The following MYO3B variants were observed in gnomAD, a reference collection of about 807,000 sequenced individuals.
MYO3B encodes the protein myosin-IIIb.
A neutral mutation model predicts 174.6 loss-of-function variants in MYO3B; 156 were observed. That is an observed-to-expected ratio of 0.89 (90% confidence interval 0.78 to 1.02). The LOEUF (loss-of-function observed/expected upper bound fraction) is 1.02, where lower values mean the gene tolerates loss of function less well. Ranked by LOEUF, MYO3B falls within the 50% of genes least tolerant of loss-of-function variation. The pLI, the probability that MYO3B is intolerant of heterozygous loss-of-function variation, is 0.00. For missense variants in MYO3B, 1,632 were observed against 1,639.4 expected, an observed-to-expected ratio of 1.00 and a Z score of 0.08; for synonymous variants, 563 against 569.1, an observed-to-expected ratio of 0.99 and a Z score of 0.15.
intron 25 of MYO3B, among the ~76,000 whole-genome samples, chr2:170,470,467 T>A (rs1684919017): frequency 6.6e-6 from 1 of 152,004 alleles, no homozygotes; most frequent in East Asian, 1.9e-4. Context: ...AATATCCCAT[T>A]GCATGAATAT....
At chr2:170,466,431 T>A in intron 24 of MYO3B, 75 bp from the exon 25 acceptor site, 2 of 1,395,666 alleles carry the variant, frequency 1.4e-6, no homozygotes, top group South Asian at 1.2e-5. Flanking sequence ...CTCCAGAGGC[T>A]TCTGCGGGCC....
chr2:170,210,909 C>T (rs1338052724), intron 3 of MYO3B, among the ~76,000 whole-genome samples: 1 of 152,166 alleles, frequency 6.6e-6, no homozygotes. Flanking sequence ...TGTAACTACA[C>T]AGACAGGCAG....
chr2:170,259,458 A>G (rs1433539545), intron 7 of MYO3B, among the ~76,000 whole-genome samples: 1 of 152,210 alleles, frequency 6.6e-6, no homozygotes, highest in Admixed American at 6.5e-5. Flanking sequence ...GCAATGGGGA[A>G]AGGACTCCCT....
At chr2:170,583,298 A>AT (rs796681855) in intron 32 of MYO3B, among the ~76,000 whole-genome samples, 68 of 152,202 alleles carry the variant, frequency 4.5e-4, no homozygotes, top group African/African-American at 1.5e-3. Context: ...ACCTGCTGAC[A>AT]TGAGGCAGAG....
At chr2:170,649,223 A>G (rs1698738842) in intron 32 of MYO3B, among the ~76,000 whole-genome samples, 1 of 43,470 alleles carries the variant, frequency 2.3e-5, no homozygotes, top group Non-Finnish European at 3.5e-5. Context: ...ATAATATATT[A>G]TATATAAAAT....
intron 7 of MYO3B, among the ~76,000 whole-genome samples, chr2:170,302,742 G>T (rs369779550): frequency 6.6e-6 from 1 of 152,178 alleles, no homozygotes; most frequent in Non-Finnish European, 1.5e-5. Flanking sequence ...ATTAAAGAAT[G>T]AGTCCTGCAA....
At position 170,618,232 on chromosome 2, in the gene MYO3B, G is replaced by A. The variant is rs147596929; in HGVS notation, c.3734-33396G>A. Among the ~76,000 whole-genome samples, 590 of 152,220 alleles carry A rather than the reference G, an allele frequency of 3.9e-3. 5 individuals are homozygous for A. Among genetic ancestry groups the A allele is most frequent in the Non-Finnish European group, 4.1e-3 (279 of 68,014 alleles). On this transcript the variant is annotated intron_variant, in intron 32 of 34. Coordinates refer to ENST00000408978, the MANE Select transcript of MYO3B (RefSeq NM_138995.5). The stretch of plus-strand genomic sequence containing the variant: ...AAATACTATCATTAACATAGACCTC[G>A]ATAGGAGCATCCATCCATGTCACGG...
At chr2:170,575,457 G>A (rs72625227) in intron 32 of MYO3B, among the ~76,000 whole-genome samples, 1 of 152,082 alleles carries the variant, frequency 6.6e-6, no homozygotes, top group Non-Finnish European at 1.5e-5. Context: ...ATAGACAGTA[G>A]ATAAATAAAC....
At chr2:170,458,310 T>A (rs1684029098) in intron 23 of MYO3B, among the ~76,000 whole-genome samples, 1 of 152,216 alleles carries the variant, frequency 6.6e-6, no homozygotes, top group Non-Finnish European at 1.5e-5. Flanking sequence ...ATATACAGTT[T>A]ACCATTGACT....
chr2:170,450,478 T>A (rs1350008627), intron 23 of MYO3B, among the ~76,000 whole-genome samples: 1 of 152,056 alleles, frequency 6.6e-6, no homozygotes, highest in Non-Finnish European at 1.5e-5. Context: ...ACCTGTACTC[T>A]GATAGAGAGG....
At chr2:170,441,554 C>T (rs990313621) in intron 22 of MYO3B, among the ~76,000 whole-genome samples, 3 of 152,116 alleles carry the variant, frequency 2.0e-5, no homozygotes, top group Admixed American at 1.3e-4. Context: ...GCAGAGCAGC[C>T]CCAAGGGCTG....
At chr2:170,513,268 T>C (rs961726312) in intron 28 of MYO3B, among the ~76,000 whole-genome samples, 6 of 152,176 alleles carry the variant, frequency 3.9e-5, no homozygotes, top group African/African-American at 4.8e-5. Context: ...AGAAACTTAT[T>C]CTGTCACAGT....
At chr2:170,341,140 A>T (rs1294031466) in intron 8 of MYO3B, 1 of 152,166 alleles carries the variant, frequency 6.6e-6, no homozygotes, top group Admixed American at 6.5e-5. Flanking sequence ...TGAAACTCAG[A>T]TCTGGAACAT....
At chr2:170,435,234 T>G (rs139389756) in intron 22 of MYO3B, among the ~76,000 whole-genome samples, 1,762 of 152,292 alleles carry the variant, frequency 0.012, 25 homozygotes, top group Non-Finnish European at 0.017. Flanking sequence ...AGAAATCGTT[T>G]ATTTTTAGGA....
At chr2:170,515,903 T>C (rs998986832) in intron 29 of MYO3B, among the ~76,000 whole-genome samples, 3 of 152,044 alleles carry the variant, frequency 2.0e-5, no homozygotes, top group Admixed American at 1.3e-4. Flanking sequence ...AAAAGAGAAG[T>C]AGCAGGATCC....
chr2:170,262,148 G>A (rs773753631), intron 7 of MYO3B, among the ~76,000 whole-genome samples: 2 of 152,184 alleles, frequency 1.3e-5, no homozygotes, highest in Non-Finnish European at 2.9e-5. Flanking sequence ...GATCCAGGGA[G>A]GCCTTGTACC....
chr2:170,340,226 T>C (rs1198258130), intron 8 of MYO3B: 2 of 152,194 alleles, frequency 1.3e-5, no homozygotes, highest in Non-Finnish European at 2.9e-5. Context: ...TCTATAACTT[T>C]AGTGGTTTTT....
intron 32 of MYO3B, chr2:170,647,983 A>G (rs1698507569): frequency 6.6e-6 from 1 of 152,194 alleles, no homozygotes; most frequent in African/African-American, 2.4e-5. Flanking sequence ...GCCGTATTAG[A>G]AAGTCTGAGG....
At chr2:170,189,104 T>C (rs1221405609) in intron 1 of MYO3B, among the ~76,000 whole-genome samples, 5 of 152,188 alleles carry the variant, frequency 3.3e-5, no homozygotes, top group African/African-American at 1.2e-4. Flanking sequence ...GTTTGAAGGA[T>C]ATTTTGGATG....
Sources: gnomAD v4.1 joint callset for allele counts (sites outside exome capture counted in the v4.1 genomes callset) on GRCh38, gnomAD v4.1.1 for gene constraint, MANE v1.5 for transcripts, NCBI Gene and HGNC (gene_info 2026-07-23, HGNC 2026-07-21) for gene names.